The following SIPA1L3 variants were observed in gnomAD, a reference collection of about 807,000 sequenced individuals.
SIPA1L3 encodes the protein signal induced proliferation associated 1 like 3.
Under a neutral mutation model 150.1 loss-of-function variants are expected in SIPA1L3, and 59 were observed. The observed-to-expected ratio is 0.39, with a 90% CI of 0.32 to 0.49. The LOEUF (loss-of-function observed/expected upper bound fraction) is 0.49. Among genes scored for constraint, SIPA1L3 ranks in the 20% least tolerant of loss-of-function variants. SIPA1L3 has a pLI of 0.86. For missense variants in SIPA1L3, 2,211 were observed against 2,489.5 expected (o/e 0.89, Z 2.38); for synonymous variants, 1,070 against 1,077.6 (o/e 0.99, Z 0.14).
Position 38,195,805 on chromosome 19 carries a change from C to T in SIPA1L3, c.4840+2025C>T, listed in dbSNP as rs955534750. Among the ~76,000 whole-genome samples the T allele has an allele frequency of 5.4e-5, 7 of 130,752 alleles. 1 individual carries two copies. The highest frequency in any genetic ancestry group is 3.0e-4 in the South Asian group (1 of 3,384). The allele number at this position is 130,752 out of a possible 152,430, so 85.8% of individuals were successfully genotyped here. Reference sequence around the variant, plus strand: ...ACCACAGGCCCCGTCCCCCCCCGCCCCCCCGGGTTTCTCTCACCCCCCTCC... The same window carrying T: ...ACCACAGGCCCCGTCCCCCCCCGCCTCCCCGGGTTTCTCTCACCCCCCTCC... On this transcript the variant is annotated intron_variant, in intron 18 of 21. Coordinates refer to ENST00000222345, the MANE Select transcript of SIPA1L3 (RefSeq NM_015073.3).
chr19:38,043,395 C>T (rs1725518), intron 2 of SIPA1L3, among the ~76,000 whole-genome samples: 8 of 151,536 alleles, frequency 5.3e-5, no homozygotes, highest in Non-Finnish European at 7.4e-5. Context: ...AGAGAAAAAG[C>T]GAGAGAAAGA....
chr19:38,038,343 A>G (rs1009858527), intron 2 of SIPA1L3, among the ~76,000 whole-genome samples: 2 of 152,210 alleles, frequency 1.3e-5, no homozygotes, highest in African/African-American at 4.8e-5. Context: ...CTGTAATCCC[A>G]GCACTTTGGG....
intron 2 of SIPA1L3, among the ~76,000 whole-genome samples, chr19:38,039,554 C>T (rs554204364): frequency 2.7e-4 from 41 of 151,478 alleles, no homozygotes; most frequent in African/African-American, 7.5e-4. Flanking sequence ...ATTAGCCTGA[C>T]GTGGTGGCAC....
chr19:38,093,880 G>A (rs779855040), intron 4 of SIPA1L3, among the ~76,000 whole-genome samples: 1 of 152,190 alleles, frequency 6.6e-6, no homozygotes, highest in Non-Finnish European at 1.5e-5. Flanking sequence ...GCCTGGACAG[G>A]GTGAGCGCCA....
chr19:37,916,493 TAA>T (rs911159767), intron 1 of SIPA1L3, among the ~76,000 whole-genome samples: 25 of 90,756 alleles, frequency 2.8e-4, no homozygotes, highest in East Asian at 3.2e-4. Flanking sequence ...ACTCTGTGTC[TAA>T]AAAAAAAAAA....
At chr19:37,943,970 G>A (rs553735491) in intron 1 of SIPA1L3, among the ~76,000 whole-genome samples, 157 of 152,196 alleles carry the variant, frequency 1.0e-3, no homozygotes, top group African/African-American at 3.5e-3. Flanking sequence ...GCTGTAACCC[G>A]TTCCAACAGC....
chr19:37,948,673 C>T (rs2046734769), intron 1 of SIPA1L3, among the ~76,000 whole-genome samples: 1 of 152,148 alleles, frequency 6.6e-6, no homozygotes, highest in African/African-American at 2.4e-5. Context: ...GGGCTCAGGA[C>T]AGGCACGGCC....
At chr19:37,938,654 AC>A (rs1568470611) in intron 1 of SIPA1L3, among the ~76,000 whole-genome samples, 1 of 95,204 alleles carries the variant, frequency 1.1e-5, no homozygotes, top group Non-Finnish European at 2.1e-5. Context: ...GTGGAGTTTT[AC>A]TCTTGTCACC....
intron 15 of SIPA1L3, among the ~76,000 whole-genome samples, chr19:38,166,229 G>A (rs1053343365): frequency 6.6e-6 from 1 of 151,922 alleles, no homozygotes; most frequent in Non-Finnish European, 1.5e-5. Context: ...GCCAAGGCGG[G>A]TGGATCATGA....
At chr19:38,203,374 C>T (rs1303710252) in intron 20 of SIPA1L3, among the ~76,000 whole-genome samples, 1 of 152,182 alleles carries the variant, frequency 6.6e-6, no homozygotes, top group Non-Finnish European at 1.5e-5. Flanking sequence ...GGAGGGCCAG[C>T]CCCCGACCGC....
chr19:38,164,968 G>A lies in SIPA1L3; in HGVS notation c.4208+62G>A, dbSNP rs888904655. On this transcript the variant is annotated intron_variant, in intron 15 of 21. Coordinates refer to ENST00000222345, the MANE Select transcript of SIPA1L3 (RefSeq NM_015073.3). This position sits in a 1 kb window ranked among gnomAD's most constrained non-coding sequence, Gnocchi z 4.1. ...TCCACTTCGCCAGTTCTACTTTTAC[G>A]GTCCTGATGGTGGGGTTCTCCTCCC... 26 of 1,412,844 alleles carry A rather than the reference G, an allele frequency of 1.8e-5. No homozygotes were observed. The highest frequency in any genetic ancestry group is 5.7e-5 in the African/African-American group (4 of 69,932). The allele number at this position is 1,412,844 out of a possible 1,614,324, so 87.5% of individuals were successfully genotyped here.
intron 8 of SIPA1L3, among the ~76,000 whole-genome samples, chr19:38,118,333 G>C (rs1260245238): frequency 6.6e-6 from 1 of 151,882 alleles, no homozygotes; most frequent in African/African-American, 2.4e-5. Context: ...GCAGAGACAG[G>C]AGAATCGCCT....
chr19:38,020,179 T>C (rs1968340862), intron 1 of SIPA1L3, among the ~76,000 whole-genome samples: 1 of 152,164 alleles, frequency 6.6e-6, no homozygotes, highest in Non-Finnish European at 1.5e-5. Context: ...CTAAACAATT[T>C]TTGTGGAGTA....
chr19:38,129,550 G>A (rs892669038), intron 9 of SIPA1L3, among the ~76,000 whole-genome samples: 3 of 150,734 alleles, frequency 2.0e-5, no homozygotes, highest in Non-Finnish European at 3.0e-5. Context: ...GCTTGAACCC[G>A]GGAGGCGGAG....
At position 38,081,768 on chromosome 19, in the gene SIPA1L3, G is replaced by A. The variant is rs1969988563; in HGVS notation, c.203G>A (p.Ser68Asn). ...ACCGCCACCGCCACCACCCGCCCCAGCCCCACCACTCCCGCAATGCCCAAG... is the reference window on the plus strand; with the variant it reads ...ACCGCCACCGCCACCACCCGCCCCAACCCCACCACTCCCGCAATGCCCAAG... The part of the protein sequence containing the change: ...TATATATTRP[S>N]PTTPAMPKMG... Residue 68 changes from serine (S) to asparagine (N), a missense_variant, in exon 3 of 22, where the codon AGC becomes AAC. Transcript: ENST00000222345. 6.2e-7 allele frequency: 1 copy of A among 1,600,688 alleles called. No individual in the cohort carries two copies. The highest frequency in any genetic ancestry group is 1.3e-5 in the African/African-American group (1 of 74,646).
intron 2 of SIPA1L3, among the ~76,000 whole-genome samples, chr19:38,043,807 G>A (rs912464746): frequency 6.6e-6 from 1 of 152,218 alleles, no homozygotes; most frequent in African/African-American, 2.4e-5. Flanking sequence ...CGGAGGAGCT[G>A]AGGTCAGAGA....
At chr19:37,920,250 G>T (rs1165872712) in intron 1 of SIPA1L3, among the ~76,000 whole-genome samples, 1 of 151,788 alleles carries the variant, frequency 6.6e-6, no homozygotes, top group African/African-American at 2.4e-5. Flanking sequence ...GTAGAGATGG[G>T]ATCTCTCTAT....
intron 2 of SIPA1L3, among the ~76,000 whole-genome samples, chr19:38,052,434 C>T (rs903626774): frequency 1.4e-4 from 21 of 152,210 alleles, no homozygotes; most frequent in East Asian, 3.9e-4. Flanking sequence ...AGGCCTCCTC[C>T]GCGTGAGATG....
At position 38,046,173 on chromosome 19, in the gene SIPA1L3, G is replaced by A. The variant is rs374911125; in HGVS notation, c.-311+17017G>A. Among the ~76,000 whole-genome samples, 10 of 152,000 alleles carry A rather than the reference G, an allele frequency of 6.6e-5. No homozygotes were observed. The highest frequency in any genetic ancestry group is 1.9e-4 in the East Asian group (1 of 5,150). On this transcript the variant is annotated intron_variant, in intron 2 of 21. Coordinates refer to ENST00000222345, the MANE Select transcript of SIPA1L3 (RefSeq NM_015073.3). The surrounding 1 kb of genome is among the most constrained non-coding windows in gnomAD (Gnocchi z 5.6). ...TAGACGAGAAGGTGCCCTGGTTCTC[G>A]ACTCATCAGCCTCTAGGAAAGAAGC...
Sources: allele counts gnomAD v4.1 joint callset (sites outside exome capture counted in the v4.1 genomes callset), GRCh38; gene constraint gnomAD v4.1.1; non-coding constraint Gnocchi (gnomAD v3.1); transcripts MANE v1.5; gene names NCBI Gene and HGNC (gene_info 2026-07-23, HGNC 2026-07-21).